The following CRIM1 variants were observed in gnomAD, a reference collection of about 807,000 sequenced individuals.
CRIM1 encodes the protein cysteine-rich motor neuron 1 protein.
Under a neutral mutation model 116.4 loss-of-function variants are expected in CRIM1, and 32 were observed. That is an observed-to-expected ratio of 0.27 (90% confidence interval 0.21 to 0.37). CRIM1 has a LOEUF of 0.37. Among genes scored for constraint, CRIM1 ranks in the 10% least tolerant of loss-of-function variants. The pLI, the probability that CRIM1 is intolerant of heterozygous loss-of-function variation, is 1.00. For missense variants in CRIM1, 1,331 were observed against 1,354.8 expected (o/e 0.98, Z 0.28); for synonymous variants, 590 against 509.2 (o/e 1.16, Z -2.13).
intron 13 of CRIM1, among the ~76,000 whole-genome samples, chr2:36,531,308 T>A (rs1156438485): frequency 6.6e-6 from 1 of 152,154 alleles, no homozygotes; most frequent in Non-Finnish European, 1.5e-5. Context: ...GAAATCCAAC[T>A]ATAACATAGG....
intron 2 of CRIM1, among the ~76,000 whole-genome samples, chr2:36,414,903 A>T (rs1055373844): frequency 6.6e-6 from 1 of 152,168 alleles, no homozygotes; most frequent in African/African-American, 2.4e-5. Context: ...TCCATGAAAG[A>T]GTTTGAAGCT....
rs143169268 is a variant in CRIM1 at position 36,493,558 on chromosome 2, A to G, written c.1373-5661A>G. 2.6e-3 allele frequency among the ~76,000 whole-genome samples: 389 copies of G among 152,320 alleles called. 1 individual carries two copies. The highest frequency in any genetic ancestry group is 8.6e-3 in the African/African-American group (358 of 41,574). The stretch of plus-strand genomic sequence containing the variant: ...CTGTGTATGCCTTCCACAGTTGTAC[A>G]TTTACAGAGTCACCCACCCATACTC... On this transcript the variant is annotated intron_variant, in intron 7 of 16. Transcript: ENST00000280527.
intron 13 of CRIM1, among the ~76,000 whole-genome samples, chr2:36,535,686 T>A (rs1666498071): frequency 6.6e-6 from 1 of 152,210 alleles, no homozygotes; most frequent in African/African-American, 2.4e-5. Flanking sequence ...TGGATTGAGA[T>A]TTGTATCTGT....
intron 13 of CRIM1, among the ~76,000 whole-genome samples, chr2:36,534,311 G>A (rs1441062830): frequency 7.5e-6 from 1 of 133,048 alleles, no homozygotes; most frequent in Non-Finnish European, 1.6e-5. Context: ...AAGGAGGGAG[G>A]GGGAAGGAAA....
intron 1 of CRIM1, among the ~76,000 whole-genome samples, chr2:36,357,621 T>TA (rs1214217995): frequency 6.6e-6 from 1 of 152,188 alleles, no homozygotes; most frequent in African/African-American, 2.4e-5. Flanking sequence ...TTGATGTGGC[T>TA]AACGGGGGCA....
At chr2:36,496,643 GA>G (rs540019241) in intron 7 of CRIM1, among the ~76,000 whole-genome samples, 58 of 152,290 alleles carry the variant, frequency 3.8e-4, no homozygotes, top group Non-Finnish European at 6.9e-4. Flanking sequence ...TTGTTCAAGT[GA>G]ACAAAACCTG....
intron 15 of CRIM1, among the ~76,000 whole-genome samples, chr2:36,546,007 C>A: frequency 6.6e-6 from 1 of 152,100 alleles, no homozygotes. Flanking sequence ...CTCCCACCAC[C>A]CCTCCAGAAC....
intron 1 of CRIM1, among the ~76,000 whole-genome samples, chr2:36,365,828 G>C (rs996280889): frequency 6.7e-6 from 1 of 150,060 alleles, no homozygotes; most frequent in South Asian, 2.1e-4. Flanking sequence ...CTGACTCCCT[G>C]GTTCAAGCGA....
intron 1 of CRIM1, among the ~76,000 whole-genome samples, chr2:36,368,362 A>G (rs534581514): frequency 6.6e-6 from 1 of 152,330 alleles, no homozygotes; most frequent in African/African-American, 2.4e-5. Flanking sequence ...ATATTCACTA[A>G]ATATGTTTCA....
chr2:36,408,040 G>C (rs1672943298), intron 2 of CRIM1, among the ~76,000 whole-genome samples: 1 of 152,140 alleles, frequency 6.6e-6, no homozygotes, highest in African/African-American at 2.4e-5. Flanking sequence ...TCCCAGGTTG[G>C]TTAAAGGAGC....
intron 1 of CRIM1, among the ~76,000 whole-genome samples, chr2:36,369,845 T>G (rs901730702): frequency 4.6e-5 from 7 of 152,156 alleles, no homozygotes; most frequent in African/African-American, 1.4e-4. Context: ...AATTCCTTCT[T>G]TGAATGTGTA....
At chr2:36,458,263 G>A (rs1419010978) in intron 4 of CRIM1, among the ~76,000 whole-genome samples, 3 of 152,270 alleles carry the variant, frequency 2.0e-5, no homozygotes, top group South Asian at 2.1e-4. Flanking sequence ...GATAACATCA[G>A]CACCCACACC....
At chr2:36,465,986 C>T (rs946166707) in intron 5 of CRIM1, among the ~76,000 whole-genome samples, 8 of 151,666 alleles carry the variant, frequency 5.3e-5, no homozygotes, top group Non-Finnish European at 8.8e-5. Flanking sequence ...CCCAGGTTCA[C>T]GCCATTCTCC....
chr2:36,358,195 C>A (rs1335899993), intron 1 of CRIM1, among the ~76,000 whole-genome samples: 1 of 152,186 alleles, frequency 6.6e-6, no homozygotes, highest in Non-Finnish European at 1.5e-5. Flanking sequence ...CCTTTTATAA[C>A]TTGTTTTTAT....
intron 1 of CRIM1, among the ~76,000 whole-genome samples, chr2:36,370,948 C>G (rs1054909699): frequency 7.9e-5 from 12 of 152,198 alleles, no homozygotes; most frequent in African/African-American, 2.9e-4. Flanking sequence ...AAAGACCTGA[C>G]CATCTTGCTC....
At chr2:36,535,273 A>G (rs1038402241) in intron 13 of CRIM1, among the ~76,000 whole-genome samples, 12 of 152,154 alleles carry the variant, frequency 7.9e-5, no homozygotes, top group African/African-American at 2.9e-4. Context: ...AGTTCAGAGT[A>G]CTACTTAAAT....
intron 16 of CRIM1, 138 bp downstream of exon 16, chr2:36,547,309 T>A: frequency 1.5e-6 from 1 of 670,896 alleles, no homozygotes; most frequent in East Asian, 2.7e-5. Flanking sequence ...CATACCAGGC[T>A]ATAGTATGAA....
chr2:36,398,849 A>G (rs1290689186), intron 2 of CRIM1, among the ~76,000 whole-genome samples: 1 of 152,242 alleles, frequency 6.6e-6, no homozygotes, highest in East Asian at 1.9e-4. Context: ...ATATGAAAGA[A>G]TTAGTGATGA....
intron 13 of CRIM1, among the ~76,000 whole-genome samples, chr2:36,533,497 G>A (rs1028825351): frequency 1.3e-5 from 2 of 151,772 alleles, no homozygotes; most frequent in Admixed American, 6.6e-5. Flanking sequence ...AACTACTCAG[G>A]AGGTTAAAGT....
Sources: allele counts gnomAD v4.1 joint callset (sites outside exome capture counted in the v4.1 genomes callset), GRCh38; gene constraint gnomAD v4.1.1; transcripts MANE v1.5; gene names NCBI Gene and HGNC (gene_info 2026-07-23, HGNC 2026-07-21).